The following RBFOX1 variants were observed in gnomAD, a reference collection of about 807,000 sequenced individuals.
The protein encoded by RBFOX1 is RNA binding fox-1 homolog 1.
A neutral mutation model predicts 57.7 loss-of-function variants in RBFOX1; 8 were observed. The observed-to-expected ratio is 0.14, with a 90% confidence interval of 0.08 to 0.25. The LOEUF (loss-of-function observed/expected upper bound fraction) is 0.25. RBFOX1 is among the 10% of genes least tolerant of loss of function. The probability of loss-of-function intolerance (pLI) is 1.00; values close to 1 mark genes in which losing one functional copy is unlikely to be tolerated. For synonymous variants in RBFOX1, 326 were observed against 222.4 expected (o/e 1.47, Z -4.15); for missense variants, 611 against 548.5 (o/e 1.11, Z -1.14).
At chr16:5,341,072 G>A (rs1448139611) in intron 1 of RBFOX1, among the ~76,000 whole-genome samples, 1 of 152,298 alleles carries the variant, frequency 6.6e-6, no homozygotes, top group East Asian at 1.9e-4. Context: ...ACTAGCCAGT[G>A]CAGCAGCCTT....
At chr16:7,289,542 C>T (rs953420570) in intron 4 of RBFOX1, among the ~76,000 whole-genome samples, 3 of 152,094 alleles carry the variant, frequency 2.0e-5, no homozygotes, top group Non-Finnish European at 4.4e-5. Context: ...TCACCATCAG[C>T]ATCAATATGA....
intron 4 of RBFOX1, among the ~76,000 whole-genome samples, chr16:7,172,770 C>G (rs2080952306): frequency 6.6e-6 from 1 of 152,026 alleles, no homozygotes; most frequent in East Asian, 1.9e-4. Context: ...TCAGTCTTGG[C>G]TTTTAAAAGT....
intron 1 of RBFOX1, among the ~76,000 whole-genome samples, chr16:6,260,097 G>A (rs2097692770): frequency 6.6e-6 from 1 of 151,996 alleles, no homozygotes; most frequent in African/African-American, 2.4e-5. Context: ...AGCCACCACT[G>A]TAAATCTGCA....
rs539928533 is a variant in RBFOX1 at position 6,107,986 on chromosome 16, C to T, written c.-127+87994C>T. Among the ~76,000 whole-genome samples the T allele has an allele frequency of 3.4e-4, 52 of 152,114 alleles. 1 individual carries two copies. The highest frequency in any genetic ancestry group is 1.2e-3 in the African/African-American group (48 of 41,482). The stretch of plus-strand genomic sequence containing the variant: ...TTAAGATTAGTCTTGAAAAAAATCC[C>T]ACCTGTGATGTCACACACAGCTACC... On this transcript the variant is annotated intron_variant, in intron 1 of 15. Transcript: ENST00000550418.
At chr16:5,943,867 A>G (rs1323456849) in intron 4 of RBFOX1, among the ~76,000 whole-genome samples, 1 of 151,688 alleles carries the variant, frequency 6.6e-6, no homozygotes, top group Non-Finnish European at 1.5e-5. Context: ...CCACTCATCC[A>G]TTAATCTACC....
intron 4 of RBFOX1, among the ~76,000 whole-genome samples, chr16:7,196,450 CT>C: frequency 6.6e-6 from 1 of 152,290 alleles, no homozygotes. Context: ...ATTGCCAACA[CT>C]GATAGTGTAG....
intron 4 of RBFOX1, among the ~76,000 whole-genome samples, chr16:7,284,412 C>T (rs992242117): frequency 6.6e-6 from 1 of 152,110 alleles, no homozygotes; most frequent in Non-Finnish European, 1.5e-5. Flanking sequence ...CTCACTGCAG[C>T]CTTGAAATCT....
chr16:6,240,629 C>A (rs2097535227), intron 1 of RBFOX1, among the ~76,000 whole-genome samples: 1 of 152,048 alleles, frequency 6.6e-6, no homozygotes. Context: ...CTTGCTTGAC[C>A]ACATGCAGCT....
intron 1 of RBFOX1, among the ~76,000 whole-genome samples, chr16:5,293,394 G>C (rs559021931): frequency 9.7e-4 from 148 of 152,240 alleles, no homozygotes; most frequent in African/African-American, 3.5e-3. Flanking sequence ...CATCTTCAAT[G>C]AGATGTCCCT....
intron 5 of RBFOX1, among the ~76,000 whole-genome samples, chr16:7,532,365 T>C (rs559073062): frequency 3.9e-5 from 6 of 152,264 alleles, no homozygotes; most frequent in Admixed American, 3.3e-4. Flanking sequence ...CCAGAGAGTT[T>C]CTGTGACTCC....
intron 4 of RBFOX1, among the ~76,000 whole-genome samples, chr16:7,450,079 A>T (rs1398396465): frequency 1.3e-5 from 2 of 152,020 alleles, no homozygotes; most frequent in African/African-American, 2.4e-5. Flanking sequence ...GAAAAGAAGG[A>T]ACTCAATCTA....
At chr16:6,440,775 T>C (rs1440893496) in intron 2 of RBFOX1, among the ~76,000 whole-genome samples, 1 of 140,134 alleles carries the variant, frequency 7.1e-6, no homozygotes, top group African/African-American at 2.8e-5. Flanking sequence ...TGCCTCAGCC[T>C]GGGTGACAGA....
At chr16:7,261,629 G>T (rs2094923497) in intron 4 of RBFOX1, among the ~76,000 whole-genome samples, 1 of 152,154 alleles carries the variant, frequency 6.6e-6, no homozygotes, top group African/African-American at 2.4e-5. Flanking sequence ...AGGAACTCAG[G>T]CTCTGTAGGC....
chr16:7,394,485 A>G (rs757186709), intron 4 of RBFOX1, among the ~76,000 whole-genome samples: 1 of 152,086 alleles, frequency 6.6e-6, no homozygotes, highest in Non-Finnish European at 1.5e-5. Context: ...GGTTGACACA[A>G]GAGTCAAACC....
intron 1 of RBFOX1, among the ~76,000 whole-genome samples, chr16:5,379,886 T>C (rs956527561): frequency 2.6e-5 from 4 of 152,198 alleles, no homozygotes; most frequent in African/African-American, 9.7e-5. Context: ...TAGGTCCTTT[T>C]TGGCCAGGGT....
intron 1 of RBFOX1, among the ~76,000 whole-genome samples, chr16:5,416,647 A>G (rs2067167085): frequency 6.6e-6 from 1 of 151,744 alleles, no homozygotes; most frequent in African/African-American, 2.4e-5. Context: ...AGTCTCTTAC[A>G]ATGCTTACGA....
chr16:6,066,655 G>C (rs1249407171), intron 1 of RBFOX1, among the ~76,000 whole-genome samples: 1 of 152,162 alleles, frequency 6.6e-6, no homozygotes, highest in Admixed American at 6.5e-5. Flanking sequence ...TAGCTGAGCA[G>C]AAAGGGCAGG....
At chr16:5,916,427 A>G (rs2058705300) in intron 4 of RBFOX1, among the ~76,000 whole-genome samples, 1 of 152,022 alleles carries the variant, frequency 6.6e-6, no homozygotes, top group Non-Finnish European at 1.5e-5. Flanking sequence ...TTTGCTCATA[A>G]GAATCTCAGA....
At chr16:6,641,527 G>A (rs1418095782) in intron 2 of RBFOX1, among the ~76,000 whole-genome samples, 3 of 152,072 alleles carry the variant, frequency 2.0e-5, no homozygotes, top group South Asian at 4.2e-4. Context: ...TTGAGCCCAG[G>A]AGTTTAAGAC....
Sources: gnomAD v4.1 joint callset for allele counts (sites outside exome capture counted in the v4.1 genomes callset) on GRCh38, gnomAD v4.1.1 for gene constraint, MANE v1.5 for transcripts, NCBI Gene and HGNC (gene_info 2026-07-23, HGNC 2026-07-21) for gene names.